NUDCD3: variants seen among roughly 807,000 people sequenced by gnomAD.
NUDCD3 encodes the protein nudC domain-containing protein 3.
In NUDCD3, 13 loss-of-function variants were observed where a neutral mutation model predicts 39.7. The ratio of observed to expected loss-of-function variants is 0.33; its 90% CI spans 0.21 to 0.52. NUDCD3 has a LOEUF of 0.52. Ranked by LOEUF, NUDCD3 falls within the 20% of genes least tolerant of loss-of-function variation. NUDCD3 has a pLI of 0.96. For missense variants in NUDCD3, 453 were observed against 458.1 expected, an observed-to-expected ratio of 0.99 and a Z score of 0.10; for synonymous variants, 175 against 172.4, an observed-to-expected ratio of 1.02 and a Z score of -0.12.
At chr7:44,426,620 C>A (rs1476917646) in intron 3 of NUDCD3, among the ~76,000 whole-genome samples, 1 of 152,062 alleles carries the variant, frequency 6.6e-6, no homozygotes, top group Admixed American at 6.5e-5. Flanking sequence ...AACAGTGAAA[C>A]CCCGTCTCTA....
At chr7:44,427,202 T>C (rs576778930) in intron 3 of NUDCD3, among the ~76,000 whole-genome samples, 1 of 152,120 alleles carries the variant, frequency 6.6e-6, no homozygotes, top group Non-Finnish European at 1.5e-5. Flanking sequence ...ACCAAGGTAA[T>C]AATGTTTGAG....
At chr7:44,450,567 G>A (rs1289751444) in intron 2 of NUDCD3, among the ~76,000 whole-genome samples, 1 of 151,996 alleles carries the variant, frequency 6.6e-6, no homozygotes, top group African/African-American at 2.4e-5. Context: ...TGAGGCAGGA[G>A]GATCACTTGA....
intron 2 of NUDCD3, among the ~76,000 whole-genome samples, chr7:44,448,074 T>C (rs529622005): frequency 3.3e-5 from 5 of 152,322 alleles, no homozygotes; most frequent in East Asian, 1.9e-4. Flanking sequence ...TAGCTGAACA[T>C]AGGCTTCCCC....
chr7:44,409,067 G>A (rs149880686), intron 3 of NUDCD3, among the ~76,000 whole-genome samples: 267 of 152,258 alleles, frequency 1.8e-3, no homozygotes, highest in Middle Eastern at 0.014. Flanking sequence ...CAAACCAAAG[G>A]CAAAGGTGGG....
At chr7:44,460,054 C>A (rs1188924499) in intron 2 of NUDCD3, among the ~76,000 whole-genome samples, 2 of 152,092 alleles carry the variant, frequency 1.3e-5, no homozygotes, top group Non-Finnish European at 2.9e-5. Flanking sequence ...ATTTAGCCTA[C>A]AACATTAAAG....
chr7:44,454,163 C>T (rs548260314), intron 2 of NUDCD3, among the ~76,000 whole-genome samples: 12 of 152,050 alleles, frequency 7.9e-5, no homozygotes, highest in African/African-American at 1.2e-4. Flanking sequence ...CACGGTGAAA[C>T]GCTGTCTCTA....
chr7:44,485,129 T>C lies in NUDCD3; in HGVS notation c.348A>G (p.Ile116Met). The change falls in exon 2 of 6, where the codon ATA becomes ATG. Residue 116 changes from isoleucine to methionine, a missense_variant. By Grantham distance (10) the Ile-to-Met change is conservative. Coordinates refer to ENST00000355451, the MANE Select transcript of NUDCD3 (RefSeq NM_015332.4). ...CCAATTCTGTGGTGGAGTCAATCTC[T>C]ATTTCCTGGACTGGAACTGGGACTG... ...KEPVPVPVQE[I>M]EIDSTTELDG... The C allele has an allele frequency of 6.2e-7, 1 of 1,614,216 alleles. No individual in the cohort carries two copies. Among genetic ancestry groups the C allele is most frequent in the South Asian group, 1.1e-5 (1 of 91,076 alleles).
intron 2 of NUDCD3, among the ~76,000 whole-genome samples, chr7:44,444,691 C>A (rs1799656590): frequency 6.6e-6 from 1 of 152,136 alleles, no homozygotes; most frequent in African/African-American, 2.4e-5. Flanking sequence ...GAGAAGCTCC[C>A]ACTCCCCTCT....
intron 2 of NUDCD3, among the ~76,000 whole-genome samples, chr7:44,438,153 C>T (rs961521385): frequency 7.2e-5 from 11 of 151,914 alleles, no homozygotes; most frequent in Admixed American, 2.0e-4. Flanking sequence ...GGCAGGAGTT[C>T]GAGATCAGCC....
At chr7:44,417,751 A>G (rs1190081623) in intron 3 of NUDCD3, among the ~76,000 whole-genome samples, 3 of 152,234 alleles carry the variant, frequency 2.0e-5, no homozygotes, top group Non-Finnish European at 4.4e-5. Context: ...GGCCTATTAA[A>G]AACAGACAGG....
chr7:44,433,076 A>G (rs1289739647), intron 2 of NUDCD3, among the ~76,000 whole-genome samples: 1 of 152,184 alleles, frequency 6.6e-6, no homozygotes, highest in Non-Finnish European at 1.5e-5. Context: ...CATCCCTTCC[A>G]CTATGGGAGG....
intron 2 of NUDCD3, chr7:44,468,349 CAAAAAAAAAAAAAA>C (rs77181470): frequency 5.3e-6 from 2 of 375,658 alleles, no homozygotes; most frequent in South Asian, 3.9e-5. Flanking sequence ...GTAAAAACTG[CAAAAAAAAAAAAAA>C]AAAAAAAGAA....
At chr7:44,420,092 A>C (rs919502489) in intron 3 of NUDCD3, among the ~76,000 whole-genome samples, 1 of 152,146 alleles carries the variant, frequency 6.6e-6, no homozygotes, top group South Asian at 2.1e-4. Context: ...AAAAAAGCTA[A>C]GAACCTTGAC....
At chr7:44,434,021 TTTC>T (rs562135812) in intron 2 of NUDCD3, among the ~76,000 whole-genome samples, 28 of 152,174 alleles carry the variant, frequency 1.8e-4, no homozygotes, top group Non-Finnish European at 3.7e-4. Context: ...TTCTTCTGGG[TTTC>T]TTCATTTTCA....
intron 2 of NUDCD3, chr7:44,467,977 A>G (rs376224218): frequency 5.5e-5 from 88 of 1,611,920 alleles, no homozygotes; most frequent in Non-Finnish European, 7.0e-5. Flanking sequence ...AGTCAGACCA[A>G]TATGTCAAAA....
At chr7:44,411,321 G>C (rs1227457870) in intron 3 of NUDCD3, among the ~76,000 whole-genome samples, 1 of 152,030 alleles carries the variant, frequency 6.6e-6, no homozygotes, top group East Asian at 1.9e-4. Flanking sequence ...TCAAAGAGTA[G>C]TATCAAGAAA....
At chr7:44,467,902 C>T (rs1275479698) in intron 2 of NUDCD3, 8 of 1,604,738 alleles carry the variant, frequency 5.0e-6, no homozygotes, top group Admixed American at 1.7e-5. Flanking sequence ...GCATCATGGC[C>T]GCCCTCAGAC....
chr7:44,383,502 G>A lies in NUDCD3; in HGVS notation c.*2509C>T, dbSNP rs531221017. 3 of 152,334 alleles carry A rather than the reference G, an allele frequency of 2.0e-5. No homozygotes were observed. Among genetic ancestry groups the A allele is most frequent in the African/African-American group, 7.2e-5 (3 of 41,556 alleles). 9.4% of individuals were successfully genotyped at this position (152,334 alleles called of 1,614,324 possible). The stretch of plus-strand genomic sequence containing the variant: ...ATGCTGGTGTTTGCTGTGTACGTTG[G>A]CCTGGGACCTCAAGGCTAGAATGCA... On this transcript the variant is annotated 3_prime_UTR_variant, in exon 6 of 6. Transcript: ENST00000355451.
intron 2 of NUDCD3, among the ~76,000 whole-genome samples, chr7:44,459,030 G>A (rs1351765206): frequency 6.6e-6 from 1 of 151,636 alleles, no homozygotes; most frequent in East Asian, 1.9e-4. Context: ...GGAGAAAGGT[G>A]TGCAAGGACA....
Sources: allele counts gnomAD v4.1 joint callset (sites outside exome capture counted in the v4.1 genomes callset), GRCh38; gene constraint gnomAD v4.1.1; transcripts MANE v1.5; gene names NCBI Gene and HGNC (gene_info 2026-07-23, HGNC 2026-07-21).